The following GLIS3 variants were observed in gnomAD, a reference collection of about 807,000 sequenced individuals.
The protein encoded by GLIS3 is zinc finger protein GLIS3.
Under a neutral mutation model 78.6 loss-of-function variants are expected in GLIS3, and 53 were observed. The observed-to-expected ratio is 0.67, with a 90% CI of 0.54 to 0.85. GLIS3 has a LOEUF of 0.85. GLIS3 is among the 40% of genes least tolerant of loss of function. The pLI is 0.00. For missense variants in GLIS3, 1,703 were observed against 1,231.1 expected, an observed-to-expected ratio of 1.38 and a Z score of -5.74; for synonymous variants, 684 against 509.9, an observed-to-expected ratio of 1.34 and a Z score of -4.60.
chr9:4,019,064 T>A (rs143771979), intron 4 of GLIS3, among the ~76,000 whole-genome samples: 2,006 of 152,272 alleles, frequency 0.013, 53 homozygotes, highest in African/African-American at 0.046. Context: ...CACAGTGTCA[T>A]TAAGCAGGAA....
At chr9:3,880,401 TCA>T (rs892060416) in intron 7 of GLIS3, among the ~76,000 whole-genome samples, 4 of 152,188 alleles carry the variant, frequency 2.6e-5, no homozygotes, top group Admixed American at 6.5e-5. Context: ...CTTGTCACTT[TCA>T]CAGTCTATCA....
intron 2 of GLIS3, among the ~76,000 whole-genome samples, chr9:4,326,265 G>A (rs1804121700): frequency 6.6e-6 from 1 of 152,152 alleles, no homozygotes; most frequent in African/African-American, 2.4e-5. Context: ...AATGTTCACA[G>A]CAGCATCATT....
At chr9:4,170,588 G>T (rs1462232426) in intron 2 of GLIS3, among the ~76,000 whole-genome samples, 2 of 152,134 alleles carry the variant, frequency 1.3e-5, no homozygotes, top group Non-Finnish European at 2.9e-5. Context: ...ACATGCCAAA[G>T]ATCAAGCATG....
chr9:3,987,024 G>A (rs1819796348), intron 4 of GLIS3, among the ~76,000 whole-genome samples: 1 of 152,156 alleles, frequency 6.6e-6, no homozygotes, highest in South Asian at 2.1e-4. Flanking sequence ...GAAATGATCT[G>A]AAAAGGATTT....
At chr9:4,043,830 C>G (rs951979639) in intron 4 of GLIS3, among the ~76,000 whole-genome samples, 23 of 152,202 alleles carry the variant, frequency 1.5e-4, no homozygotes, top group African/African-American at 5.5e-4. Flanking sequence ...AAGACAAGAA[C>G]AGGATGCAGC....
chr9:4,366,735 G>C, the GLIS3 span, among the ~76,000 whole-genome samples: 1 of 152,194 alleles, frequency 6.6e-6, no homozygotes, highest in African/African-American at 2.4e-5. Context: ...AGGAGTGCCA[G>C]TAAGTTCTGG....
intron 2 of GLIS3, among the ~76,000 whole-genome samples, chr9:4,169,309 TACTA>T (rs1329562460): frequency 1.3e-5 from 2 of 152,230 alleles, no homozygotes; most frequent in Non-Finnish European, 2.9e-5. Context: ...TTCTGGAAGT[TACTA>T]ACCAGTTTGA....
chr9:3,925,596 C>CGT (rs1825161989), intron 6 of GLIS3, among the ~76,000 whole-genome samples: 1 of 146,220 alleles, frequency 6.8e-6, no homozygotes, highest in South Asian at 2.2e-4. Context: ...AGTGTGTGTG[C>CGT]GTGTGCGCGC....
intron 9 of GLIS3, among the ~76,000 whole-genome samples, chr9:3,837,828 G>A (rs969117860): frequency 6.6e-6 from 1 of 152,190 alleles, no homozygotes; most frequent in African/African-American, 2.4e-5. Flanking sequence ...TACCATGGTG[G>A]ATAGATGCCA....
intron 2 of GLIS3, among the ~76,000 whole-genome samples, chr9:4,262,883 C>T (rs1399779788): frequency 6.7e-6 from 1 of 150,352 alleles, no homozygotes; most frequent in Admixed American, 6.6e-5. Flanking sequence ...TACCTTAAGC[C>T]CGTAGTTCAC....
At chr9:4,159,445 G>A (rs949288800) in intron 2 of GLIS3, among the ~76,000 whole-genome samples, 19 of 152,166 alleles carry the variant, frequency 1.2e-4, no homozygotes, top group Non-Finnish European at 1.5e-4. Flanking sequence ...GTGGCCAGGC[G>A]CAGTGGCTCA....
intron 4 of GLIS3, among the ~76,000 whole-genome samples, chr9:3,997,159 C>T (rs1325470978): frequency 6.6e-6 from 1 of 152,016 alleles, no homozygotes; most frequent in Non-Finnish European, 1.5e-5. Context: ...CCAGCCTGAC[C>T]AACATGGAAA....
chr9:4,164,696 C>T (rs192791597), intron 2 of GLIS3, among the ~76,000 whole-genome samples: 198 of 152,254 alleles, frequency 1.3e-3, no homozygotes, highest in Non-Finnish European at 2.0e-3. Flanking sequence ...TGGCAAAGAA[C>T]ATCCCATGAG....
chr9:4,363,171 T>C, the GLIS3 span, among the ~76,000 whole-genome samples: 1 of 152,208 alleles, frequency 6.6e-6, no homozygotes, highest in African/African-American at 2.4e-5. Flanking sequence ...ACATGTAATC[T>C]CAGCACTTTG....
intron 4 of GLIS3, among the ~76,000 whole-genome samples, chr9:4,116,285 G>T (rs1471064922): frequency 1.3e-5 from 2 of 152,326 alleles, no homozygotes; most frequent in African/African-American, 2.4e-5. Context: ...CAATAGGCCG[G>T]TGTGTTCCAG....
rs115657088 is a variant in GLIS3, at chr9:3,922,053, T to G, written c.1983+10307A>C. Among the ~76,000 whole-genome samples, 979 of 152,276 alleles carry G rather than the reference T, an allele frequency of 6.4e-3. 9 individuals carry two copies. Among genetic ancestry groups the G allele is most frequent in the South Asian group, 0.025 (120 of 4,828 alleles). On this transcript the variant is annotated intron_variant, in intron 6 of 10. Transcript: ENST00000381971. ...TTTTGGGGAAGTCATTTTGGCAATA[T>G]GTTGTAAGGAATTTATTTGAAGCAC...
rs139374267 is a variant in GLIS3, at chr9:3,975,774, T to C, written c.1711-38585A>G. Among the ~76,000 whole-genome samples, 13 of 152,258 alleles carry C rather than the reference T, an allele frequency of 8.5e-5. No homozygotes were observed. The East Asian group carries it at 2.5e-3, about 29-fold the overall frequency. ...TTCATTAGGAGGAAAAATATCAAGC[T>C]ATCATCATATAAAGACCCCACAGAA... On this transcript the variant is annotated intron_variant, in intron 4 of 10. Coordinates refer to ENST00000381971, the MANE Select transcript of GLIS3 (RefSeq NM_001042413.2).
intron 4 of GLIS3, among the ~76,000 whole-genome samples, chr9:4,047,238 C>CT (rs1241496633): frequency 6.6e-6 from 1 of 152,110 alleles, no homozygotes; most frequent in Non-Finnish European, 1.5e-5. Context: ...TAAGACGTGA[C>CT]TACTTTCCCT....
At chr9:3,900,106 G>A (rs545752529) in intron 6 of GLIS3, among the ~76,000 whole-genome samples, 3 of 150,380 alleles carry the variant, frequency 2.0e-5, no homozygotes, top group Admixed American at 6.7e-5. Context: ...AGAAATAGAA[G>A]ATGAAACCAG....
Sources: allele counts gnomAD v4.1 joint callset (sites outside exome capture counted in the v4.1 genomes callset), GRCh38; gene constraint gnomAD v4.1.1; transcripts MANE v1.5; gene names NCBI Gene and HGNC (gene_info 2026-07-23, HGNC 2026-07-21).